FNBP1L: variants seen among roughly 807,000 people sequenced by gnomAD.
The protein encoded by FNBP1L is formin-binding protein 1-like.
In FNBP1L, 36 loss-of-function variants were observed where a neutral mutation model predicts 91.2. The ratio of observed to expected loss-of-function variants is 0.39; its 90% CI spans 0.30 to 0.52. The LOEUF (loss-of-function observed/expected upper bound fraction) is 0.52. Ranked by LOEUF, FNBP1L falls within the 20% of genes least tolerant of loss-of-function variation. FNBP1L has a pLI of 0.66. For missense variants in FNBP1L, 571 were observed against 732.1 expected, an observed-to-expected ratio of 0.78 and a Z score of 2.54; for synonymous variants, 242 against 237.0, an observed-to-expected ratio of 1.02 and a Z score of -0.19.
At chr1:93,491,584 AC>A (rs1670092885) in intron 1 of FNBP1L, among the ~76,000 whole-genome samples, 1 of 152,088 alleles carries the variant, frequency 6.6e-6, no homozygotes, top group Admixed American at 6.6e-5. Context: ...TTATCCTCCC[AC>A]CTGGGCCTCC....
intron 1 of FNBP1L, among the ~76,000 whole-genome samples, chr1:93,479,498 C>G (rs1669616096): frequency 6.6e-6 from 1 of 152,128 alleles, no homozygotes. Flanking sequence ...TCTAGTGAGC[C>G]TGAGGGTACT....
intron 12 of FNBP1L, among the ~76,000 whole-genome samples, chr1:93,545,281 T>C (rs1258873505): frequency 1.3e-5 from 2 of 152,052 alleles, no homozygotes; most frequent in African/African-American, 2.4e-5. Context: ...AATGAGTAGA[T>C]TGCAAAAAGG....
At chr1:93,472,639 C>T (rs538898119) in intron 1 of FNBP1L, among the ~76,000 whole-genome samples, 8 of 151,518 alleles carry the variant, frequency 5.3e-5, no homozygotes, top group Non-Finnish European at 1.0e-4. Context: ...AGTGAAACCC[C>T]GTCTGTACTA....
chr1:93,466,378 A>T (rs1669081282), intron 1 of FNBP1L, among the ~76,000 whole-genome samples: 2 of 152,146 alleles, frequency 1.3e-5, no homozygotes, highest in Admixed American at 1.3e-4. Context: ...TAATTTTTGT[A>T]TAAGGTGTAA....
At chr1:93,522,254 AATT>A (rs1671354364) in intron 3 of FNBP1L, 119 bp downstream of exon 3, 1 of 426,248 alleles carries the variant, frequency 2.3e-6, no homozygotes, top group Non-Finnish European at 3.7e-6. Flanking sequence ...TTAATTTAAA[AATT>A]AATGTTTATG....
At chr1:93,488,441 G>A (rs140388847) in intron 1 of FNBP1L, 1 of 152,298 alleles carries the variant, frequency 6.6e-6, no homozygotes, top group African/African-American at 2.4e-5. Context: ...CAGGGTTGGT[G>A]GGTCTGTGGA....
intron 10 of FNBP1L, among the ~76,000 whole-genome samples, 194 bp from the exon 11 acceptor site, chr1:93,540,844 CTTTT>C (rs55649797): frequency 1.6e-5 from 2 of 122,892 alleles, no homozygotes; most frequent in Admixed American, 8.1e-5. Context: ...TCAATGTATG[CTTTT>C]TTTTTTTTTT....
intron 2 of FNBP1L, among the ~76,000 whole-genome samples, chr1:93,509,939 C>T (rs573934045): frequency 9.2e-5 from 14 of 152,336 alleles, no homozygotes; most frequent in East Asian, 7.7e-4. Flanking sequence ...GATTATATCC[C>T]GCACATGGCT....
At chr1:93,476,688 T>G (rs1669507309) in intron 1 of FNBP1L, among the ~76,000 whole-genome samples, 4 of 151,664 alleles carry the variant, frequency 2.6e-5, no homozygotes, top group Admixed American at 2.6e-4. Context: ...AGATAATAGG[T>G]GTGTGTGAGT....
chr1:93,459,055 C>A (rs1295288135), intron 1 of FNBP1L, among the ~76,000 whole-genome samples: 1 of 151,974 alleles, frequency 6.6e-6, no homozygotes, highest in Non-Finnish European at 1.5e-5. Context: ...TGGGTGGATC[C>A]CTTGAGGCCA....
intron 2 of FNBP1L, among the ~76,000 whole-genome samples, chr1:93,518,501 G>A (rs749191755): frequency 2.6e-5 from 4 of 152,194 alleles, no homozygotes; most frequent in Non-Finnish European, 5.9e-5. Flanking sequence ...AACATGTTAA[G>A]GTGGGAGAAA....
chr1:93,543,597 CTT>C (rs1239015805), intron 11 of FNBP1L, among the ~76,000 whole-genome samples: 1 of 152,022 alleles, frequency 6.6e-6, no homozygotes, highest in Non-Finnish European at 1.5e-5. Context: ...ATTAGATTGT[CTT>C]TGTGAGGTAA....
At chr1:93,512,570 A>C (rs1428484608) in intron 2 of FNBP1L, among the ~76,000 whole-genome samples, 1 of 151,738 alleles carries the variant, frequency 6.6e-6, no homozygotes, top group Non-Finnish European at 1.5e-5. Flanking sequence ...ATAGCAAACT[A>C]TCTCTCAGAC....
chr1:93,455,127 C>A (rs1668616069), intron 1 of FNBP1L, among the ~76,000 whole-genome samples: 1 of 152,038 alleles, frequency 6.6e-6, no homozygotes. Context: ...ACGGGATTTC[C>A]CCATGTTATC....
At chr1:93,510,908 T>A (rs1486325869) in intron 2 of FNBP1L, among the ~76,000 whole-genome samples, 1 of 151,432 alleles carries the variant, frequency 6.6e-6, no homozygotes, top group African/African-American at 2.4e-5. Flanking sequence ...TTAGAGAAAA[T>A]AGAATAAAAA....
intron 10 of FNBP1L, 136 bp from the exon 11 acceptor site, chr1:93,540,906 G>A (rs1189041925): frequency 9.8e-5 from 54 of 551,718 alleles, no homozygotes; most frequent in Non-Finnish European, 1.4e-4. Flanking sequence ...TGGTTTTTCT[G>A]GCATAATTGT....
intron 1 of FNBP1L, among the ~76,000 whole-genome samples, chr1:93,495,896 G>A (rs1670244390): frequency 6.6e-6 from 1 of 152,184 alleles, no homozygotes; most frequent in East Asian, 1.9e-4. Flanking sequence ...AAAATTCTTA[G>A]AAACAGAAAT....
chr1:93,507,107 A>ACTCT (rs545137195), intron 2 of FNBP1L, among the ~76,000 whole-genome samples: 10 of 45,512 alleles, frequency 2.2e-4, no homozygotes, highest in East Asian at 7.0e-4. Flanking sequence ...ACACACACAC[A>ACTCT]CTCTCTCTCT....
Position 93,544,114 on chromosome 1 carries a change from C to G in FNBP1L, c.1172C>G (p.Ala391Gly). 6.2e-7 allele frequency: 1 copy of G among 1,605,522 alleles called. No individual in the cohort carries two copies. The highest frequency in any genetic ancestry group is 8.5e-7 in the Non-Finnish European group (1 of 1,175,118). ...KRGWSVKMGPALEDFSHLPPE... is the reference protein window; with the variant it reads ...KRGWSVKMGPGLEDFSHLPPE... ...TTTAGATTCTCTTTTCAGGGCCCAG[C>G]ACTAGAAGATTTCAGTCATCTGCCA... is the stretch of plus-strand genomic sequence containing the variant. Residue 391 changes from alanine to glycine, a missense_variant, in exon 12 of 17, where the codon GCA (alanine) becomes GGA (glycine). Ala to Gly is a moderately conservative substitution (Grantham distance 60). Around this residue, in one of 5 missense-constraint regions of FNBP1L, gnomAD observed 150 missense variants for 155.9 expected, o/e 0.96. Transcript: ENST00000271234.
Sources: gnomAD v4.1 joint callset for allele counts (sites outside exome capture counted in the v4.1 genomes callset) on GRCh38, gnomAD v4.1.1 for gene constraint, gnomAD v4.1.1 regional missense constraint, MANE v1.5 for transcripts, NCBI Gene and HGNC (gene_info 2026-07-23, HGNC 2026-07-21) for gene names.